Variants in CYSLTR1 observed in about 807,000 individuals in gnomAD.
CYSLTR1 encodes cysteinyl leukotriene receptor 1.
CYSLTR1 carries 1 observed loss-of-function variant against 2.1 expected under a neutral mutation model. The ratio of observed to expected loss-of-function variants is 0.48; its 90% CI spans 0.17 to 2.28. The LOEUF is 2.28. CYSLTR1 is among the 30% of genes most tolerant of loss of function. The probability of loss-of-function intolerance (pLI) is 0.26; values close to 1 mark genes in which losing one functional copy is unlikely to be tolerated. For missense variants in CYSLTR1, 299 were observed against 250.1 expected (o/e 1.20, Z -1.32); for synonymous variants, 110 against 89.6 (o/e 1.23, Z -1.28).
In CYSLTR1 at chrX:78,307,029, T is replaced by C. The variant is rs1923055446; in HGVS notation, c.-115+20276A>G. Among the ~76,000 whole-genome samples the C allele has an allele frequency of 3.6e-5, 4 of 112,072 alleles. No individual in the cohort carries two copies. The Admixed American group carries it at 3.8e-4, about 11-fold the overall frequency. On this transcript the variant is annotated intron_variant, in intron 1 of 2. Transcript: ENST00000373304. ...TTTAACGTGACTTTTCAACCTCTGTTTGGATTGTCATTGTGAATAAAAAGA... is the reference window on the plus strand; with the variant it reads ...TTTAACGTGACTTTTCAACCTCTGTCTGGATTGTCATTGTGAATAAAAAGA...
chrX:78,308,228 ATGAAATGGAAG>A (rs1227667746), intron 1 of CYSLTR1, among the ~76,000 whole-genome samples: 1 of 112,029 alleles, frequency 8.9e-6, no homozygotes, highest in Non-Finnish European at 1.9e-5. Context: ...AGTGAGTAGA[ATGAAATGGAAG>A]TGGCCTTATA....
At chrX:78,274,679 C>T (rs974995922) in intron 2 of CYSLTR1, among the ~76,000 whole-genome samples, 9 of 110,315 alleles carry the variant, frequency 8.2e-5, no homozygotes, top group Non-Finnish European at 1.3e-4. Context: ...GCAAGGACTT[C>T]ATGTCTAAAA....
intron 1 of CYSLTR1, among the ~76,000 whole-genome samples, chrX:78,301,849 G>T (rs928876630): frequency 3.6e-5 from 4 of 111,840 alleles, no homozygotes; most frequent in Non-Finnish European, 7.5e-5. Flanking sequence ...AATCTATAAT[G>T]AAAAAGAGGT....
At chrX:78,291,020 T>A (rs1380899855) in intron 1 of CYSLTR1, among the ~76,000 whole-genome samples, 3 of 111,974 alleles carry the variant, frequency 2.7e-5, no homozygotes, top group East Asian at 5.6e-4. Context: ...AGAGAGGGCA[T>A]CCTTGTCTTC....
At chrX:78,314,405 A>T (rs979002693) in intron 1 of CYSLTR1, among the ~76,000 whole-genome samples, 1 of 111,985 alleles carries the variant, frequency 8.9e-6, no homozygotes. Flanking sequence ...TCTTCCCTGC[A>T]GGTATGTCAC....
rs775296230 is a variant in CYSLTR1 at position 78,325,559 on chromosome X, TTG to T, written c.-115+1744_-115+1745del. Among the ~76,000 whole-genome samples, 77 of 112,075 alleles carry T rather than the reference TTG, an allele frequency of 6.9e-4. 1 individual carries two copies. The highest frequency in any genetic ancestry group is 1.2e-3 in the Non-Finnish European group (63 of 53,181). On this transcript the variant is annotated intron_variant, in intron 1 of 2. Transcript: ENST00000373304. The stretch of plus-strand genomic sequence containing the variant: ...TGTTAACTTGCCAGAGAACACCCAG[TTG>T]TTTACATGTCAAAACAAGGGTGAAC...
chrX:78,274,291 A>C (rs1921467271), intron 2 of CYSLTR1, among the ~76,000 whole-genome samples: 1 of 111,572 alleles, frequency 9.0e-6, no homozygotes, highest in South Asian at 3.8e-4. Context: ...AGCTGGAGGC[A>C]TCACGCTACC....
Position 78,324,409 on chromosome X carries a change from C to T in CYSLTR1, c.-115+2896G>A, listed in dbSNP as rs924121047. Among the ~76,000 whole-genome samples, 3 of 112,257 alleles carry T rather than the reference C, an allele frequency of 2.7e-5. No individual in the cohort carries two copies. The Admixed American group carries it at 2.8e-4, about 11-fold the overall frequency. ...TTTGAGACGGAGTCTCGCTTTGTCG[C>T]CCGGCTTGAGTGCAGTGGCGCGATC... On this transcript the variant is annotated intron_variant, in intron 1 of 2. Coordinates refer to ENST00000373304, the MANE Select transcript of CYSLTR1 (RefSeq NM_006639.4).
intron 2 of CYSLTR1, among the ~76,000 whole-genome samples, chrX:78,274,226 C>G (rs959156310): frequency 1.8e-5 from 2 of 111,004 alleles, no homozygotes; most frequent in Non-Finnish European, 1.9e-5. Context: ...GATGAAAATC[C>G]TTGGCTCCCA....
At chrX:78,300,749 A>G (rs1922784004) in intron 1 of CYSLTR1, among the ~76,000 whole-genome samples, 1 of 112,780 alleles carries the variant, frequency 8.9e-6, no homozygotes, top group Admixed American at 9.3e-5. Flanking sequence ...GGGCAGGTCT[A>G]TCCCATGCTG....
At chrX:78,274,793 C>A (rs1921500475) in intron 2 of CYSLTR1, among the ~76,000 whole-genome samples, 1 of 110,889 alleles carries the variant, frequency 9.0e-6, no homozygotes, top group Non-Finnish European at 1.9e-5. Flanking sequence ...GAACAGGCAA[C>A]CTACAGAATG....
intron 2 of CYSLTR1, among the ~76,000 whole-genome samples, chrX:78,280,840 G>A (rs1391567448): frequency 2.7e-5 from 3 of 111,441 alleles, no homozygotes; most frequent in Non-Finnish European, 5.7e-5. Context: ...GTGGTATTTG[G>A]TTTTCTGTTT....
At chrX:78,322,967 C>T (rs1176097777) in intron 1 of CYSLTR1, among the ~76,000 whole-genome samples, 2 of 111,421 alleles carry the variant, frequency 1.8e-5, no homozygotes, top group South Asian at 3.8e-4. Flanking sequence ...CAGTGTGTCC[C>T]CTTCCATTGT....
At chrX:78,302,450 A>T (rs1332973538) in intron 1 of CYSLTR1, among the ~76,000 whole-genome samples, 4 of 111,106 alleles carry the variant, frequency 3.6e-5, no homozygotes, top group African/African-American at 1.3e-4. Context: ...GACAAGGTTC[A>T]TTTTTACTTC....
At chrX:78,293,844 T>C (rs1417015179) in intron 1 of CYSLTR1, among the ~76,000 whole-genome samples, 1 of 111,798 alleles carries the variant, frequency 8.9e-6, no homozygotes, top group African/African-American at 3.3e-5. Context: ...TCATTTAAGG[T>C]CTTCTCTATG....
chrX:78,305,938 G>C (rs1603411442), intron 1 of CYSLTR1, among the ~76,000 whole-genome samples: 2 of 112,812 alleles, frequency 1.8e-5, no homozygotes, highest in Admixed American at 1.9e-4. Flanking sequence ...AGCAATCTAA[G>C]TGTTCATCAA....
chrX:78,314,960 CCTT>C (rs1246857637), intron 1 of CYSLTR1, among the ~76,000 whole-genome samples: 3 of 107,108 alleles, frequency 2.8e-5, no homozygotes, highest in Non-Finnish European at 5.8e-5. Flanking sequence ...CTTATATCAT[CCTT>C]CTTCTTATCC....
chrX:78,276,160 T>C (rs770163327), intron 2 of CYSLTR1, among the ~76,000 whole-genome samples: 19 of 111,925 alleles, frequency 1.7e-4, no homozygotes, highest in African/African-American at 5.8e-4. Flanking sequence ...GGATTTCTCT[T>C]ATAGTTGATA....
At chrX:78,293,942 G>A (rs1162285262) in intron 1 of CYSLTR1, among the ~76,000 whole-genome samples, 2 of 111,696 alleles carry the variant, frequency 1.8e-5, no homozygotes, top group African/African-American at 6.5e-5. Context: ...CTTTAGCTCG[G>A]AGAAGTTTGT....
Sources: allele counts gnomAD v4.1 joint callset (sites outside exome capture counted in the v4.1 genomes callset), GRCh38; gene constraint gnomAD v4.1.1; transcripts MANE v1.5; gene names NCBI Gene and HGNC (gene_info 2026-07-23, HGNC 2026-07-21).